TRMT11: variants seen among roughly 807,000 people sequenced by gnomAD.
The protein encoded by TRMT11 is tRNA (guanine(10)-N(2))-methyltransferase TRMT11.
Under a neutral mutation model 62.8 loss-of-function variants are expected in TRMT11, and 53 were observed. That is an observed-to-expected ratio of 0.84 (90% CI 0.68 to 1.06). TRMT11 has a LOEUF of 1.06. Among genes scored for constraint, TRMT11 ranks in the 50% least tolerant of loss-of-function variants. TRMT11 has a pLI of 0.00. For missense variants in TRMT11, 556 were observed against 553.4 expected (o/e 1.00, Z -0.05); for synonymous variants, 188 against 190.3 (o/e 0.99, Z 0.10).
At chr6:126,211,931 A>C in the TRMT11 span, among the ~76,000 whole-genome samples, 1 of 151,900 alleles carries the variant, frequency 6.6e-6, no homozygotes, top group African/African-American at 2.4e-5. Context: ...CCTACCCCCT[A>C]CCCTTCCCAG....
the TRMT11 span, among the ~76,000 whole-genome samples, chr6:126,238,684 T>G: frequency 4.0e-5 from 6 of 151,676 alleles, no homozygotes; most frequent in South Asian, 2.1e-4. Flanking sequence ...GAATGTATAT[T>G]CTGCTGATTT....
chr6:126,022,786 T>C (rs1391556533), intron 12 of TRMT11, among the ~76,000 whole-genome samples: 1 of 152,222 alleles, frequency 6.6e-6, no homozygotes, highest in Non-Finnish European at 1.5e-5. Flanking sequence ...CTACTATATG[T>C]ATATATAGGT....
chr6:126,090,983 T>G (rs538679785), intron 17 of TRMT11, among the ~76,000 whole-genome samples: 2 of 152,136 alleles, frequency 1.3e-5, no homozygotes, highest in African/African-American at 4.8e-5. Flanking sequence ...GGCAAAGGCT[T>G]GCGGATAACT....
chr6:126,019,978 T>C (rs943255067), intron 11 of TRMT11, among the ~76,000 whole-genome samples: 1 of 152,162 alleles, frequency 6.6e-6, no homozygotes, highest in Non-Finnish European at 1.5e-5. Flanking sequence ...GATAATTCTT[T>C]CCACTGATAA....
rs1433573887 is a variant in TRMT11, at chr6:126,039,265, G to A, written c.*429G>A. 6.6e-6 allele frequency: 1 copy of A among 152,450 alleles called. No individual in the cohort carries two copies. Among genetic ancestry groups the A allele is most frequent in the Non-Finnish European group, 1.5e-5 (1 of 68,298 alleles). The allele number at this position is 152,450 out of a possible 1,614,324, so 9.4% of individuals were successfully genotyped here. A position where few individuals can be genotyped will look rare whatever the true frequency, so the allele number is the denominator to read the frequency against. ...CATTGCCACTAATAAACCATATTGAGAATTTCTAAAATTGTGTCATATCTA... is the reference window on the plus strand; with the variant it reads ...CATTGCCACTAATAAACCATATTGAAAATTTCTAAAATTGTGTCATATCTA... On this transcript the variant is annotated 3_prime_UTR_variant, in exon 13 of 13. Transcript: ENST00000334379.
chr6:126,090,682 C>A (rs1253046498), intron 17 of TRMT11, among the ~76,000 whole-genome samples: 1 of 152,106 alleles, frequency 6.6e-6, no homozygotes, highest in Non-Finnish European at 1.5e-5. Flanking sequence ...CCAAGACATC[C>A]TTAGAACATG....
chr6:126,013,850 A>G (rs945325663), intron 11 of TRMT11, among the ~76,000 whole-genome samples: 1 of 152,220 alleles, frequency 6.6e-6, no homozygotes, highest in Non-Finnish European at 1.5e-5. Context: ...GTACCTATGG[A>G]TCACAGCTGT....
intron 1 of TRMT11, among the ~76,000 whole-genome samples, chr6:126,194,348 A>G (rs1338629693): frequency 6.6e-6 from 1 of 152,200 alleles, no homozygotes; most frequent in African/African-American, 2.4e-5. Flanking sequence ...GGATGAATAC[A>G]TGTTTATTCT....
At chr6:126,013,422 A>G (rs893718067) in intron 11 of TRMT11, among the ~76,000 whole-genome samples, 1 of 151,766 alleles carries the variant, frequency 6.6e-6, no homozygotes, top group African/African-American at 2.4e-5. Context: ...ATGCTCAGCT[A>G]TTTTTTATTT....
rs6916448 is a variant in TRMT11 at position 126,092,479 on chromosome 6, G to A, written c.*1438-20387G>A. 3.5e-3 allele frequency among the ~76,000 whole-genome samples: 530 copies of A among 152,236 alleles called. 5 individuals are homozygous for A. Among genetic ancestry groups the A allele is most frequent in the African/African-American group, 0.011 (473 of 41,522 alleles). On this transcript the variant is annotated intron_variant and NMD_transcript_variant, in intron 17 of 22. Coordinates refer to the TRMT11 transcript ENST00000648977. The stretch of plus-strand genomic sequence containing the variant: ...CCATGAGAACAGTATGGGGGAAACC[G>A]CCCCCATGATTCAATTATCTCCCAA...
At chr6:126,246,922 A>G in the TRMT11 span, among the ~76,000 whole-genome samples, 1 of 152,210 alleles carries the variant, frequency 6.6e-6, no homozygotes, top group East Asian at 1.9e-4. Context: ...ATATTAAGAA[A>G]TGGAGAAGCA....
At chr6:126,051,860 G>A (rs1776228915) in intron 16 of TRMT11, among the ~76,000 whole-genome samples, 1 of 152,112 alleles carries the variant, frequency 6.6e-6, no homozygotes, top group Admixed American at 6.5e-5. Flanking sequence ...GCAAAGCCAG[G>A]CAATGATTAC....
chr6:126,092,940 C>T (rs1370399506), intron 17 of TRMT11, among the ~76,000 whole-genome samples: 2 of 152,136 alleles, frequency 1.3e-5, no homozygotes, highest in African/African-American at 4.8e-5. Flanking sequence ...AGAAACTGGG[C>T]AAGAATTCTT....
chr6:126,099,326 G>GT lies in TRMT11; in HGVS notation c.*1438-13536dup, dbSNP rs372938095. Among the ~76,000 whole-genome samples, 820 of 152,258 alleles carry GT rather than the reference G, an allele frequency of 5.4e-3. 3 individuals carry two copies. Among genetic ancestry groups the GT allele is most frequent in the African/African-American group, 0.019 (777 of 41,548 alleles). ...TTGCTCAGCAAGACTCTGGGTAATG[G>GT]TTTTGCTCTACATATCCTGTATTAA... On this transcript the variant is annotated intron_variant and NMD_transcript_variant, in intron 17 of 22. Transcript: ENST00000648977.
chr6:126,130,721 T>G (rs1777772247), intron 21 of TRMT11, among the ~76,000 whole-genome samples: 1 of 152,032 alleles, frequency 6.6e-6, no homozygotes, highest in South Asian at 2.1e-4. Flanking sequence ...TACCACAACC[T>G]CCCAGCAAAC....
downstream of TRMT11, among the ~76,000 whole-genome samples, chr6:126,042,282 G>T (rs756636499): frequency 6.6e-6 from 1 of 152,136 alleles, no homozygotes; most frequent in Non-Finnish European, 1.5e-5. Flanking sequence ...TCTGCCTTAC[G>T]ATGTTCATAT....
the TRMT11 span, among the ~76,000 whole-genome samples, chr6:126,243,710 C>T: frequency 6.6e-6 from 1 of 152,136 alleles, no homozygotes; most frequent in African/African-American, 2.4e-5. Flanking sequence ...CGCATATTCA[C>T]TCATAGGTGG....
At chr6:126,173,990 A>C (rs1295439840), upstream of TRMT11, among the ~76,000 whole-genome samples, 1 of 152,196 alleles carries the variant, frequency 6.6e-6, no homozygotes, top group East Asian at 1.9e-4. Context: ...GCACTGATCC[A>C]AGGTCCTGGC....
chr6:126,168,363 A>G (rs1778291951), intron 21 of TRMT11, among the ~76,000 whole-genome samples: 1 of 152,218 alleles, frequency 6.6e-6, no homozygotes, highest in African/African-American at 2.4e-5. Flanking sequence ...GATATGAATG[A>G]CATGTCATTG....
Sources: allele counts gnomAD v4.1 joint callset (sites outside exome capture counted in the v4.1 genomes callset), GRCh38; gene constraint gnomAD v4.1.1; transcripts MANE v1.5; gene names NCBI Gene and HGNC (gene_info 2026-07-23, HGNC 2026-07-21).